Variants in THNSL1 observed in about 807,000 individuals in gnomAD.
THNSL1 encodes threonine synthase like 1.
THNSL1 carries 48 observed loss-of-function variants against 50.4 expected under a neutral mutation model. The ratio of observed to expected loss-of-function variants is 0.95; its 90% CI spans 0.76 to 1.21. The LOEUF is 1.21. THNSL1 is among the 50% of genes most tolerant of loss of function. The probability of loss-of-function intolerance (pLI) is 0.00; values close to 1 mark genes in which losing one functional copy is unlikely to be tolerated. For missense variants in THNSL1, 896 were observed against 871.7 expected (o/e 1.03, Z -0.35); for synonymous variants, 309 against 306.1 (o/e 1.01, Z -0.10).
chr10:24,971,201 C>G, the THNSL1 span, among the ~76,000 whole-genome samples: 7 of 152,050 alleles, frequency 4.6e-5, no homozygotes, highest in Non-Finnish European at 7.4e-5. Flanking sequence ...TGGGCTCAAG[C>G]AATTCTCTCA....
the THNSL1 span, among the ~76,000 whole-genome samples, chr10:24,986,474 G>C: frequency 6.6e-6 from 1 of 152,196 alleles, no homozygotes; most frequent in Admixed American, 6.5e-5. Context: ...CCAAAAAGAA[G>C]CCCTCAAAAG....
the THNSL1 span, among the ~76,000 whole-genome samples, chr10:24,971,105 CT>C: frequency 0.047 from 6,878 of 144,834 alleles, 375 homozygotes; most frequent in African/African-American, 0.14. Context: ...ACACTCACTG[CT>C]TTTTTTTTTT....
the THNSL1 span, chr10:24,990,642 A>G: frequency 1.3e-6 from 2 of 1,579,748 alleles, no homozygotes; most frequent in Non-Finnish European, 1.7e-6. Context: ...AGTAATCAAT[A>G]TTTTGTATGC....
At chr10:24,976,094 C>T in the THNSL1 span, among the ~76,000 whole-genome samples, 1 of 152,192 alleles carries the variant, frequency 6.6e-6, no homozygotes, top group African/African-American at 2.4e-5. Context: ...TCCTGGGAGA[C>T]TGATTGGAAA....
At chr10:24,988,892 G>C in the THNSL1 span, among the ~76,000 whole-genome samples, 1 of 151,776 alleles carries the variant, frequency 6.6e-6, no homozygotes, top group African/African-American at 2.4e-5. Context: ...GGAAGGAAGT[G>C]TGGCTCAGGG....
rs1294682743 is a variant in THNSL1 at position 25,025,251 on chromosome 10, G to T, written c.2028G>T (p.Met676Ile). The stretch of plus-strand genomic sequence containing the variant: ...ACTCAAAGTTTGCACCTGCTATCAT[G>T]CAGGCTTTAAAGATTAAAGAAATCA... ...AHYSKFAPAI[M>I]QALKIKEINE... The change falls in exon 3 of 3, where the codon ATG (methionine) becomes ATT (isoleucine). Residue 676 changes from methionine (M) to isoleucine (I), a missense_variant. By Grantham distance (10) the Met-to-Ile change is conservative. Coordinates refer to ENST00000376356, the MANE Select transcript of THNSL1 (RefSeq NM_024838.5). The T allele has an allele frequency of 1.9e-6, 3 of 1,614,050 alleles. No individual in the cohort carries two copies. Among genetic ancestry groups the T allele is most frequent in the African/African-American group, 2.7e-5 (2 of 74,936 alleles).
chr10:24,981,174 G>A, the THNSL1 span, among the ~76,000 whole-genome samples: 1 of 152,188 alleles, frequency 6.6e-6, no homozygotes, highest in Non-Finnish European at 1.5e-5. Flanking sequence ...TTTAATTCAT[G>A]TGCATCTGAC....
chr10:24,996,008 A>G, the THNSL1 span: 2 of 662,884 alleles, frequency 3.0e-6, no homozygotes, highest in Non-Finnish European at 4.7e-6. Flanking sequence ...ATAGAAGTTT[A>G]TGCTTACCCC....
chr10:24,969,721 C>T, the THNSL1 span, among the ~76,000 whole-genome samples: 1 of 152,192 alleles, frequency 6.6e-6, no homozygotes, highest in Non-Finnish European at 1.5e-5. Flanking sequence ...TTTAGGCCTT[C>T]ATCAATATTT....
the THNSL1 span, among the ~76,000 whole-genome samples, chr10:24,979,149 G>T: frequency 6.6e-6 from 1 of 152,190 alleles, no homozygotes; most frequent in African/African-American, 2.4e-5. Context: ...AGTTACATAT[G>T]ATGTTCACCA....
chr10:25,009,637 C>G, the THNSL1 span, among the ~76,000 whole-genome samples: 1 of 152,068 alleles, frequency 6.6e-6, no homozygotes, highest in East Asian at 1.9e-4. Flanking sequence ...TGCTGTGTCC[C>G]CATCCAAATC....
At chr10:25,010,904 T>C in the THNSL1 span, among the ~76,000 whole-genome samples, 2 of 151,804 alleles carry the variant, frequency 1.3e-5, no homozygotes, top group Non-Finnish European at 2.9e-5. Flanking sequence ...ACAATAAACA[T>C]ACGTGTGCAT....
the THNSL1 span, among the ~76,000 whole-genome samples, chr10:25,006,683 G>C: frequency 8.7e-3 from 1,320 of 152,202 alleles, 19 homozygotes; most frequent in African/African-American, 0.029. Flanking sequence ...GTATAAACAC[G>C]AAATAGTATC....
In THNSL1 at chr10:25,025,376, T is replaced by TG; in HGVS notation, c.2155dup (p.Glu719GlyfsTer8). On this transcript the variant is annotated frameshift_variant, in exon 3 of 3. Transcript: ENST00000376356. LOFTEE classifies it high-confidence loss of function. ...GAGAGAACAAAACAGCAAGAGAAGATGGAGTACCAGGTCTGTGCAGCTGAT... is the reference window on the plus strand; with the variant it reads ...GAGAGAACAAAACAGCAAGAGAAGATGGGAGTACCAGGTCTGTGCAGCTGAT... 1.2e-6 allele frequency: 2 copies of TG among 1,614,228 alleles called. No individual in the cohort carries two copies. Among genetic ancestry groups the TG allele is most frequent in the Non-Finnish European group, 1.7e-6 (2 of 1,180,032 alleles).
the THNSL1 span, among the ~76,000 whole-genome samples, chr10:24,969,418 A>G: frequency 6.6e-6 from 1 of 152,212 alleles, no homozygotes; most frequent in African/African-American, 2.4e-5. Flanking sequence ...GTGAGCTCTG[A>G]AGAAAAAATC....
the THNSL1 span, among the ~76,000 whole-genome samples, chr10:25,009,839 T>A: frequency 6.6e-6 from 1 of 152,192 alleles, no homozygotes; most frequent in Admixed American, 6.5e-5. Flanking sequence ...AGATGTGACT[T>A]TGTTCCTCCT....
the THNSL1 span, among the ~76,000 whole-genome samples, chr10:24,964,968 T>C: frequency 2.0e-5 from 3 of 151,288 alleles, no homozygotes; most frequent in Non-Finnish European, 4.4e-5. Flanking sequence ...GAGGCTTTGG[T>C]GGGAGGATCA....
At chr10:24,984,419 T>G in the THNSL1 span, 1 of 1,574,154 alleles carries the variant, frequency 6.4e-7, no homozygotes, top group Non-Finnish European at 8.6e-7. Context: ...GAGTGCTGAC[T>G]TTATTTTTCA....
chr10:24,982,690 T>A, the THNSL1 span: 3 of 152,180 alleles, frequency 2.0e-5, no homozygotes, highest in African/African-American at 7.2e-5. Flanking sequence ...GAGGTTGAAC[T>A]GGCTCTATCC....
Sources: allele counts gnomAD v4.1 joint callset (sites outside exome capture counted in the v4.1 genomes callset), GRCh38; gene constraint gnomAD v4.1.1; transcripts MANE v1.5; gene names NCBI Gene and HGNC (gene_info 2026-07-23, HGNC 2026-07-21).